RP1: variants seen among roughly 807,000 people sequenced by gnomAD.
RP1 encodes oxygen-regulated protein 1.
Under a neutral mutation model 14.8 loss-of-function variants are expected in RP1, and 16 were observed. The observed-to-expected ratio is 1.08, with a 90% CI of 0.73 to 1.65. The LOEUF is 1.65. RP1 is among the 40% of genes most tolerant of loss of function. The pLI is 0.00. For missense variants in RP1, 2,631 were observed against 2,535.0 expected (o/e 1.04, Z -0.81); for synonymous variants, 876 against 883.6 (o/e 0.99, Z 0.15).
At chr8:54,703,643 G>A (rs562074441) in intron 14 of RP1, among the ~76,000 whole-genome samples, 1 of 152,274 alleles carries the variant, frequency 6.6e-6, no homozygotes, top group East Asian at 1.9e-4. Context: ...CTTATCCTTT[G>A]AAGCTTTGAA....
Position 54,817,608 on chromosome 8 carries a change from T to G in RP1, c.3616-19842T>G, listed in dbSNP as rs887535082. 2.0e-5 allele frequency among the ~76,000 whole-genome samples: 3 copies of G among 152,102 alleles called. No individual in the cohort carries two copies. The East Asian group carries it at 5.8e-4, about 29-fold the overall frequency. ...GCTGATACCTCTGTGGAAAGTAGAG[T>G]ATATTTATTTCTATGAGCAAAATAA... On this transcript the variant is annotated intron_variant, in intron 24 of 28. Coordinates refer to the RP1 transcript ENST00000637698.
chr8:54,769,870 A>G, exon 23 of RP1: 1 of 1,085,462 alleles, frequency 9.2e-7, no homozygotes, highest in South Asian at 1.5e-5. Flanking sequence ...ATCATGGAAC[A>G]CTATTCCCCA....
intron 7 of RP1, among the ~76,000 whole-genome samples, chr8:54,671,989 G>A (rs1237525909): frequency 6.6e-6 from 1 of 152,136 alleles, no homozygotes. Context: ...ACTTGCATTG[G>A]TCAGCCCAGG....
At chr8:54,644,525 C>A (rs562207214) in intron 3 of RP1, among the ~76,000 whole-genome samples, 2 of 152,272 alleles carry the variant, frequency 1.3e-5, no homozygotes, top group East Asian at 3.9e-4. Flanking sequence ...TTGGTAACTC[C>A]GTCTCTATTT....
chr8:54,662,794 C>T (rs1806930264), intron 6 of RP1, among the ~76,000 whole-genome samples: 1 of 152,116 alleles, frequency 6.6e-6, no homozygotes, highest in Non-Finnish European at 1.5e-5. Flanking sequence ...TCTTCTTCCC[C>T]ATTCCTCCTG....
chr8:54,779,925 A>C (rs1222012648), intron 23 of RP1, among the ~76,000 whole-genome samples: 1 of 152,134 alleles, frequency 6.6e-6, no homozygotes, highest in Non-Finnish European at 1.5e-5. Context: ...TGTGTGAAAA[A>C]CCACTCCCAA....
chr8:54,618,778 C>A (rs1403081563), intron 1 of RP1, among the ~76,000 whole-genome samples: 2 of 152,118 alleles, frequency 1.3e-5, no homozygotes, highest in African/African-American at 2.4e-5. Flanking sequence ...GCCTCAGCCT[C>A]CCGAGTAGAG....
intron 7 of RP1, among the ~76,000 whole-genome samples, chr8:54,667,301 G>A (rs1807040240): frequency 6.6e-6 from 1 of 151,996 alleles, no homozygotes; most frequent in Non-Finnish European, 1.5e-5. Flanking sequence ...GACAGAAATG[G>A]AAGAGTGGAT....
At chr8:54,702,472 T>A (rs914192298) in intron 14 of RP1, among the ~76,000 whole-genome samples, 9 of 152,176 alleles carry the variant, frequency 5.9e-5, no homozygotes, top group Non-Finnish European at 8.8e-5. Context: ...AAAATGTACA[T>A]ACCTTAATTT....
intron 15 of RP1, among the ~76,000 whole-genome samples, chr8:54,712,407 GGT>G (rs1159820650): frequency 6.6e-6 from 1 of 152,126 alleles, no homozygotes; most frequent in Non-Finnish European, 1.5e-5. Context: ...CCAGAGCTGT[GGT>G]GTCCTAGCTC....
intron 3 of RP1, among the ~76,000 whole-genome samples, chr8:54,647,897 G>A (rs1408475844): frequency 1.3e-5 from 2 of 151,998 alleles, no homozygotes; most frequent in Non-Finnish European, 2.9e-5. Flanking sequence ...GACATGGTTT[G>A]GCTCTGTGTC....
intron 25 of RP1, among the ~76,000 whole-genome samples, chr8:54,841,082 G>A (rs1478883307): frequency 6.6e-6 from 1 of 152,202 alleles, no homozygotes; most frequent in Non-Finnish European, 1.5e-5. Flanking sequence ...GTCTGGGCAT[G>A]CTGAGTACCA....
intron 18 of RP1, among the ~76,000 whole-genome samples, chr8:54,735,254 C>T (rs1808890429): frequency 6.6e-6 from 1 of 152,158 alleles, no homozygotes; most frequent in African/African-American, 2.4e-5. Flanking sequence ...TGCCCATGCC[C>T]ATTTCTAATT....
In RP1 at chr8:54,811,347, T is replaced by C. The variant is rs1283602555; in HGVS notation, c.3616-26103T>C. Among the ~76,000 whole-genome samples, 7 of 152,330 alleles carry C rather than the reference T, an allele frequency of 4.6e-5. No individual in the cohort carries two copies. The South Asian group carries it at 1.4e-3, about 32-fold the overall frequency. ...CCCCAAACCCACCTTTAGCAAATTA[T>C]CAACACTATTTGTAATTTTAATAAC... On this transcript the variant is annotated intron_variant, in intron 24 of 28. Transcript: ENST00000637698.
intron 12 of RP1, chr8:54,696,635 G>C: frequency 1.2e-6 from 1 of 828,122 alleles, no homozygotes; most frequent in Non-Finnish European, 1.9e-6. Context: ...TCATGCCTTA[G>C]AATTGCCAGA....
intron 7 of RP1, among the ~76,000 whole-genome samples, chr8:54,670,671 T>TTATA (rs375877155): frequency 0.022 from 1,359 of 62,530 alleles, 147 homozygotes; most frequent in African/African-American, 0.058. Flanking sequence ...ATATATGTTT[T>TTATA]TATATATATA....
chr8:54,693,806 T>G (rs1807781675), intron 12 of RP1, among the ~76,000 whole-genome samples: 1 of 152,166 alleles, frequency 6.6e-6, no homozygotes, highest in Admixed American at 6.5e-5. Flanking sequence ...TGAATACCCT[T>G]TATTTCCTTC....
At chr8:54,587,879 G>A (rs1804966742) in intron 1 of RP1, among the ~76,000 whole-genome samples, 1 of 152,004 alleles carries the variant, frequency 6.6e-6, no homozygotes, top group Admixed American at 6.6e-5. Context: ...TTTTTCCTCT[G>A]ATATTTTTAT....
chr8:54,732,562 G>A (rs1045902732), intron 17 of RP1, among the ~76,000 whole-genome samples: 1 of 152,070 alleles, frequency 6.6e-6, no homozygotes, highest in Non-Finnish European at 1.5e-5. Context: ...AGATGAATAA[G>A]ATATCCATAA....
Sources: gnomAD v4.1 joint callset for allele counts (sites outside exome capture counted in the v4.1 genomes callset) on GRCh38, gnomAD v4.1.1 for gene constraint, MANE v1.5 for transcripts, NCBI Gene and HGNC (gene_info 2026-07-23, HGNC 2026-07-21) for gene names.